The following LIN52 variants were observed in gnomAD, a reference collection of about 807,000 sequenced individuals.
LIN52 encodes the protein protein lin-52 homolog.
Under a neutral mutation model 18.5 loss-of-function variants are expected in LIN52, and 4 were observed. That is an observed-to-expected ratio of 0.22 (90% CI 0.11 to 0.49). The LOEUF (loss-of-function observed/expected upper bound fraction) is 0.49, where lower values mean the gene tolerates loss of function less well. Ranked by LOEUF, LIN52 falls within the 20% of genes least tolerant of loss-of-function variation. The pLI, the probability that LIN52 is intolerant of heterozygous loss-of-function variation, is 0.97. For missense variants in LIN52, 102 were observed against 139.5 expected, an observed-to-expected ratio of 0.73 and a Z score of 1.35; for synonymous variants, 34 against 45.5, an observed-to-expected ratio of 0.75 and a Z score of 1.02.
chr14:74,091,697 C>T (rs1428199474), intron 2 of LIN52, among the ~76,000 whole-genome samples: 2 of 149,494 alleles, frequency 1.3e-5, no homozygotes, highest in Non-Finnish European at 3.0e-5. Context: ...TCTTTTGAAC[C>T]CAGGAGGCGG....
rs943724219 is a variant in LIN52 at position 74,200,749 on chromosome 14, T to C, written c.*1772T>C. 4.6e-5 allele frequency: 7 copies of C among 152,400 alleles called. No homozygotes were observed. The highest frequency in any genetic ancestry group is 1.7e-4 in the African/African-American group (7 of 41,604). The allele number at this position is 152,400 out of a possible 1,614,324, so 9.4% of individuals were successfully genotyped here. On this transcript the variant is annotated 3_prime_UTR_variant, in exon 6 of 6. Coordinates refer to ENST00000555028, the MANE Select transcript of LIN52 (RefSeq NM_001024674.3). ...GGTTAGGTTGTAGGGGCTTTGATTT[T>C]AATTTAAACTTATTATCGATTGATA...
intron 5 of LIN52, among the ~76,000 whole-genome samples, chr14:74,158,292 T>G (rs904642758): frequency 6.6e-6 from 1 of 151,780 alleles, no homozygotes; most frequent in African/African-American, 2.4e-5. Flanking sequence ...TTTGTATTTT[T>G]AGTAGAGATG....
At chr14:74,155,803 A>G (rs571755915) in intron 5 of LIN52, among the ~76,000 whole-genome samples, 3 of 152,300 alleles carry the variant, frequency 2.0e-5, no homozygotes, top group South Asian at 2.1e-4. Context: ...TGGGCAGATC[A>G]CTTTCTCTTG....
intron 5 of LIN52, among the ~76,000 whole-genome samples, chr14:74,144,722 G>A (rs1319035262): frequency 6.6e-6 from 1 of 152,058 alleles, no homozygotes; most frequent in African/African-American, 2.4e-5. Flanking sequence ...CTAAAATGTG[G>A]TAAAGTACAG....
At position 74,173,414 on chromosome 14, in the gene LIN52, C is replaced by T. The variant is rs771486172; in HGVS notation, c.284-25508C>T. 7.3e-4 allele frequency among the ~76,000 whole-genome samples: 111 copies of T among 152,184 alleles called. 1 individual carries two copies. Among genetic ancestry groups the T allele is most frequent in the Non-Finnish European group, 1.3e-3 (91 of 67,982 alleles). On this transcript the variant is annotated intron_variant, in intron 5 of 5. Coordinates refer to ENST00000555028, the MANE Select transcript of LIN52 (RefSeq NM_001024674.3). The stretch of plus-strand genomic sequence containing the variant: ...GTTGGTCAGGCTCGTCTTGAACTCC[C>T]AACCTCAGGTGATCCGCCCGCCTTG...
At chr14:74,121,754 C>T (rs1379724756) in intron 5 of LIN52, among the ~76,000 whole-genome samples, 1 of 149,206 alleles carries the variant, frequency 6.7e-6, no homozygotes, top group Non-Finnish European at 1.5e-5. Context: ...GACGGAGTCT[C>T]ACTCCGTCAC....
At chr14:74,109,019 A>G (rs962142589) in intron 5 of LIN52, among the ~76,000 whole-genome samples, 1 of 152,128 alleles carries the variant, frequency 6.6e-6, no homozygotes, top group Non-Finnish European at 1.5e-5. Flanking sequence ...TTCTTTTAAG[A>G]GTTTTATAAT....
chr14:74,120,800 T>C (rs2060995235), intron 5 of LIN52, among the ~76,000 whole-genome samples: 2 of 150,570 alleles, frequency 1.3e-5, no homozygotes, highest in African/African-American at 2.4e-5. Context: ...CGTGCGCCTG[T>C]AGTCCCAGCT....
chr14:74,106,537 G>A (rs2060897993), intron 5 of LIN52, among the ~76,000 whole-genome samples: 2 of 152,130 alleles, frequency 1.3e-5, no homozygotes, highest in African/African-American at 2.4e-5. Context: ...CTCCCAAAGT[G>A]CTGAAATTAC....
At chr14:74,094,286 G>T in intron 2 of LIN52, among the ~76,000 whole-genome samples, 1 of 150,696 alleles carries the variant, frequency 6.6e-6, no homozygotes. Flanking sequence ...TTTGAGCAAG[G>T]GTCTCACTCT....
At chr14:74,195,556 ATGTG>A (rs59249126) in intron 5 of LIN52, among the ~76,000 whole-genome samples, 6 of 149,658 alleles carry the variant, frequency 4.0e-5, no homozygotes, top group East Asian at 3.9e-4. Flanking sequence ...GTGTGTGTGT[ATGTG>A]TGTGTGTGTG....
intron 5 of LIN52, among the ~76,000 whole-genome samples, chr14:74,125,499 G>T (rs920225480): frequency 7.9e-5 from 12 of 152,118 alleles, no homozygotes; most frequent in African/African-American, 2.9e-4. Context: ...TGAGTTCATT[G>T]TAGATTCTGG....
intron 5 of LIN52, among the ~76,000 whole-genome samples, chr14:74,102,345 T>C (rs2060864288): frequency 6.6e-6 from 1 of 152,238 alleles, no homozygotes; most frequent in Non-Finnish European, 1.5e-5. Flanking sequence ...TCATCAGCAG[T>C]TGGCTTTCTT....
intron 5 of LIN52, among the ~76,000 whole-genome samples, chr14:74,108,960 C>G (rs374789746): frequency 2.0e-5 from 3 of 152,094 alleles, no homozygotes; most frequent in African/African-American, 7.2e-5. Flanking sequence ...AGTGTCCTAC[C>G]TGATAAACCA....
intron 5 of LIN52, among the ~76,000 whole-genome samples, chr14:74,112,522 C>G (rs925431298): frequency 2.0e-5 from 3 of 152,122 alleles, no homozygotes; most frequent in African/African-American, 7.2e-5. Context: ...ATACTTTCCC[C>G]TACCAGTGAC....
intron 1 of LIN52, among the ~76,000 whole-genome samples, chr14:74,089,834 G>A (rs956958404): frequency 6.6e-5 from 10 of 152,042 alleles, no homozygotes; most frequent in Admixed American, 1.3e-4. Flanking sequence ...TTCCCTAACC[G>A]CAGGACATAC....
chr14:74,089,826 C>G (rs1268305268), intron 1 of LIN52, among the ~76,000 whole-genome samples: 2 of 152,016 alleles, frequency 1.3e-5, no homozygotes, highest in Admixed American at 6.6e-5. Flanking sequence ...TAGGGGAGTT[C>G]CCTAACCGCA....
chr14:74,152,088 C>A (rs1451527304), intron 5 of LIN52, among the ~76,000 whole-genome samples: 1 of 152,024 alleles, frequency 6.6e-6, no homozygotes, highest in African/African-American at 2.4e-5. Flanking sequence ...CATGGTGAAA[C>A]CCCATCTCTA....
chr14:74,088,740 A>G (rs1315022406), intron 1 of LIN52, among the ~76,000 whole-genome samples: 2 of 152,190 alleles, frequency 1.3e-5, no homozygotes, highest in African/African-American at 2.4e-5. Flanking sequence ...AGTTCATTTT[A>G]TTTCCCAGAT....
Sources: gnomAD v4.1 joint callset for allele counts (sites outside exome capture counted in the v4.1 genomes callset) on GRCh38, gnomAD v4.1.1 for gene constraint, MANE v1.5 for transcripts, NCBI Gene and HGNC (gene_info 2026-07-23, HGNC 2026-07-21) for gene names.